PLXDC2: variants seen among roughly 807,000 people sequenced by gnomAD.
The protein encoded by PLXDC2 is plexin domain containing 2.
In PLXDC2, 40 loss-of-function variants were observed where a neutral mutation model predicts 68.9. That is an observed-to-expected ratio of 0.58 (90% CI 0.45 to 0.76). PLXDC2 has a LOEUF of 0.76. PLXDC2 is among the 30% of genes least tolerant of loss of function. The pLI, the probability that PLXDC2 is intolerant of heterozygous loss-of-function variation, is 0.00. For synonymous variants in PLXDC2, 243 were observed against 234.2 expected (o/e 1.04, Z -0.34); for missense variants, 644 against 661.9 (o/e 0.97, Z 0.30).
chr10:19,994,208 C>G (rs911997925), intron 1 of PLXDC2, among the ~76,000 whole-genome samples: 3 of 136,458 alleles, frequency 2.2e-5, no homozygotes, highest in African/African-American at 8.1e-5. Context: ...GGGTTAAGAT[C>G]ATCTTGGATA....
At chr10:19,995,790 C>A (rs2131632844) in intron 1 of PLXDC2, among the ~76,000 whole-genome samples, 1 of 152,282 alleles carries the variant, frequency 6.6e-6, no homozygotes. Context: ...GAAGAAAACT[C>A]AATTAGCTCT....
At chr10:20,279,196 C>G (rs982900557) in intron 13 of PLXDC2, among the ~76,000 whole-genome samples, 1 of 152,026 alleles carries the variant, frequency 6.6e-6, no homozygotes, top group African/African-American at 2.4e-5. Flanking sequence ...AGTGATATTT[C>G]TTTTAGCTTA....
At chr10:19,947,960 G>C (rs781726876) in intron 1 of PLXDC2, among the ~76,000 whole-genome samples, 3 of 151,666 alleles carry the variant, frequency 2.0e-5, no homozygotes, top group East Asian at 1.9e-4. Context: ...TGAAATTAAG[G>C]GTCCAATAAG....
At chr10:19,965,902 G>C (rs1338126086) in intron 1 of PLXDC2, among the ~76,000 whole-genome samples, 1 of 152,078 alleles carries the variant, frequency 6.6e-6, no homozygotes, top group Non-Finnish European at 1.5e-5. Flanking sequence ...TGGATTGACA[G>C]TGCCCTTCTT....
chr10:19,922,980 C>G (rs1833484475), intron 1 of PLXDC2, among the ~76,000 whole-genome samples: 1 of 152,042 alleles, frequency 6.6e-6, no homozygotes, highest in South Asian at 2.1e-4. Context: ...TTTGTGATTT[C>G]AAAGGAAATC....
chr10:19,849,065 G>A (rs1837066384), intron 1 of PLXDC2, among the ~76,000 whole-genome samples: 1 of 151,884 alleles, frequency 6.6e-6, no homozygotes, highest in South Asian at 2.1e-4. Flanking sequence ...CAATGCCCTT[G>A]TTTTTTATTT....
chr10:20,128,007 T>C (rs372675910), intron 4 of PLXDC2, among the ~76,000 whole-genome samples: 171 of 152,170 alleles, frequency 1.1e-3, no homozygotes, highest in African/African-American at 4.0e-3. Flanking sequence ...ATGGGTTATG[T>C]AGGCTCTGGT....
rs11011727 is a variant in PLXDC2 at position 19,998,818 on chromosome 10, A to G, written c.113-2957A>G. 4.1e-3 allele frequency among the ~76,000 whole-genome samples: 621 copies of G among 152,252 alleles called. 2 individuals carry two copies. The highest frequency in any genetic ancestry group is 0.014 in the African/African-American group (581 of 41,554). On this transcript the variant is annotated intron_variant, in intron 1 of 13. Coordinates refer to ENST00000377252, the MANE Select transcript of PLXDC2 (RefSeq NM_032812.9). ...CGCTGCTAAACAGTGGGGGAAAAAAAAAATCAAACCTCAGCTGTCTAGAGA... is the reference window on the plus strand; with the variant it reads ...CGCTGCTAAACAGTGGGGGAAAAAAGAAATCAAACCTCAGCTGTCTAGAGA...
intron 2 of PLXDC2, among the ~76,000 whole-genome samples, 160 bp downstream of exon 2, chr10:20,002,146 C>T (rs900885787): frequency 4.6e-5 from 7 of 152,032 alleles, no homozygotes; most frequent in African/African-American, 9.7e-5. Context: ...ATAACTAAGC[C>T]ACTTTACCAT....
At chr10:19,980,987 G>C (rs984541584) in intron 1 of PLXDC2, among the ~76,000 whole-genome samples, 2 of 152,158 alleles carry the variant, frequency 1.3e-5, no homozygotes, top group Admixed American at 1.3e-4. Flanking sequence ...TGCCAAATCA[G>C]TTTTACCTCT....
Position 20,169,634 on chromosome 10 carries a change from C to T in PLXDC2, c.883+5067C>T, listed in dbSNP as rs114991564. ...TCTGTGGGGTGCTGACTTATCCCAT[C>T]GGGCCTCACTGTTTCTCTACTTTCC... On this transcript the variant is annotated intron_variant, in intron 7 of 13. Transcript: ENST00000377252. Among the ~76,000 whole-genome samples, 1,124 of 152,244 alleles carry T rather than the reference C, an allele frequency of 7.4e-3. 16 individuals are homozygous for T. Among genetic ancestry groups the T allele is most frequent in the African/African-American group, 0.026 (1,074 of 41,540 alleles).
At chr10:20,124,869 C>T (rs1043937870) in intron 4 of PLXDC2, among the ~76,000 whole-genome samples, 5 of 152,038 alleles carry the variant, frequency 3.3e-5, no homozygotes, top group Admixed American at 1.3e-4. Flanking sequence ...AGGAACTGGC[C>T]ATCTGGATGT....
chr10:20,195,712 T>C lies in PLXDC2; in HGVS notation c.1062-15957T>C, dbSNP rs563028624. ...AAAAGATGTTTCCTTGATGAGGCAATTGCCTCATCTAAAATAATTTCTAGT... is the reference window on the plus strand; with the variant it reads ...AAAAGATGTTTCCTTGATGAGGCAACTGCCTCATCTAAAATAATTTCTAGT... On this transcript the variant is annotated intron_variant, in intron 9 of 13. Coordinates refer to ENST00000377252, the MANE Select transcript of PLXDC2 (RefSeq NM_032812.9). 5.3e-5 allele frequency among the ~76,000 whole-genome samples: 8 copies of C among 152,194 alleles called. No individual in the cohort carries two copies. The East Asian group carries it at 1.6e-3, about 30-fold the overall frequency.
rs1289552363 is a variant in PLXDC2 at position 19,911,595 on chromosome 10, A to G, written c.113-90180A>G. Among the ~76,000 whole-genome samples the G allele has an allele frequency of 2.6e-5, 4 of 152,240 alleles. No homozygotes were observed. The East Asian group carries it at 7.7e-4, about 29-fold the overall frequency. On this transcript the variant is annotated intron_variant, in intron 1 of 13. Coordinates refer to ENST00000377252, the MANE Select transcript of PLXDC2 (RefSeq NM_032812.9). The stretch of plus-strand genomic sequence containing the variant: ...TGGATTCACAGACAGAACTTAAGGG[A>G]TCTTTGAAGTCATCTCGTTTCACCT...
intron 1 of PLXDC2, among the ~76,000 whole-genome samples, chr10:19,943,129 C>T (rs997398377): frequency 7.2e-5 from 11 of 152,136 alleles, no homozygotes; most frequent in Non-Finnish European, 1.3e-4. Flanking sequence ...GAAGATCAAA[C>T]GTAGGCTGAA....
intron 1 of PLXDC2, among the ~76,000 whole-genome samples, chr10:19,824,655 A>C (rs895415223): frequency 1.3e-5 from 2 of 152,170 alleles, no homozygotes. Flanking sequence ...GTTACTAGAG[A>C]ATGACAGGCT....
At chr10:20,105,722 C>T (rs1833482928) in intron 4 of PLXDC2, among the ~76,000 whole-genome samples, 1 of 152,172 alleles carries the variant, frequency 6.6e-6, no homozygotes, top group Middle Eastern at 3.2e-3. Context: ...ATGGGTATCA[C>T]CTTGGTTGTC....
At chr10:20,221,180 GT>G (rs1188035896) in intron 12 of PLXDC2, among the ~76,000 whole-genome samples, 8 of 151,984 alleles carry the variant, frequency 5.3e-5, no homozygotes, top group African/African-American at 1.7e-4. Flanking sequence ...TGCACTTAAT[GT>G]TTTATGGAAT....
chr10:20,114,425 G>T (rs2460586), intron 4 of PLXDC2, among the ~76,000 whole-genome samples: 6 of 152,030 alleles, frequency 3.9e-5, no homozygotes, highest in Non-Finnish European at 7.4e-5. Flanking sequence ...AATGTCAGAC[G>T]CTGTGTTGAA....
Sources: allele counts gnomAD v4.1 joint callset (sites outside exome capture counted in the v4.1 genomes callset), GRCh38; gene constraint gnomAD v4.1.1; transcripts MANE v1.5; gene names NCBI Gene and HGNC (gene_info 2026-07-23, HGNC 2026-07-21).